BRAT1: variants seen among roughly 807,000 people sequenced by gnomAD.
BRAT1 encodes the protein integrator complex assembly factor BRAT1.
A neutral mutation model predicts 70.6 loss-of-function variants in BRAT1; 74 were observed. The ratio of observed to expected loss-of-function variants is 1.05; its 90% CI spans 0.87 to 1.27. The LOEUF (loss-of-function observed/expected upper bound fraction) is 1.27. Among genes scored for constraint, BRAT1 ranks in the 50% most tolerant of loss-of-function variants. BRAT1 has a pLI of 0.00. For synonymous variants in BRAT1, 615 were observed against 517.1 expected, an observed-to-expected ratio of 1.19 and a Z score of -2.57; for missense variants, 1,203 against 1,098.2, an observed-to-expected ratio of 1.10 and a Z score of -1.35.
chr7:2,543,767 G>A lies in BRAT1; in HGVS notation c.626C>T (p.Ala209Val), dbSNP rs112960104. The A allele has an allele frequency of 4.3e-5, 69 of 1,608,128 alleles. No individual in the cohort carries two copies. The highest frequency in any genetic ancestry group is 9.9e-5 in the South Asian group (9 of 90,804). ...MDHVEESLCS[A>V]ATPKVTQALN... ...GGCCTGAGTGACCTTGGGGGTGGCC[G>A]CGGAGCACAAGGACTCTTCAACGTG... Residue 209 changes from alanine (A) to valine (V), a missense_variant, in exon 5 of 14, where the codon GCG becomes GTG. Coordinates refer to ENST00000340611, the MANE Select transcript of BRAT1 (RefSeq NM_152743.4). This position sits in a 1 kb window ranked among gnomAD's most constrained non-coding sequence, Gnocchi z 5.5.
In BRAT1 at chr7:2,538,184, A is replaced by G. The variant is rs1360273346; in HGVS notation, c.2351T>C (p.Leu784Pro). 28 of 1,609,228 alleles carry G rather than the reference A, an allele frequency of 1.7e-5. No individual in the cohort carries two copies. The highest frequency in any genetic ancestry group is 2.4e-5 in the Non-Finnish European group (28 of 1,177,644). ...AMLRSLDLEG[L>P]RSTLAESSDH... ...GCTGCTCTCGGCCAGCGTGCTCCGC[A>G]GGCCCTCCAGGTCTAGGGACCTGAG... The change falls in exon 14 of 14, where the codon CTG (leucine) becomes CCG (proline). Residue 784 changes from leucine (L) to proline (P), a missense_variant. Leu to Pro is a moderately conservative substitution (Grantham distance 98, BLOSUM62 -3). Coordinates refer to ENST00000340611, the MANE Select transcript of BRAT1 (RefSeq NM_152743.4).
chr7:2,546,532 C>T (rs926210020), intron 3 of BRAT1, among the ~76,000 whole-genome samples: 8 of 152,074 alleles, frequency 5.3e-5, no homozygotes, highest in Admixed American at 1.3e-4. Context: ...TCAAGGAGTT[C>T]GTGATCAGCC....
At chr7:2,551,968 A>C (rs1379039479) in intron 2 of BRAT1, among the ~76,000 whole-genome samples, 1 of 148,880 alleles carries the variant, frequency 6.7e-6, no homozygotes, top group African/African-American at 2.5e-5. Context: ...GGTGAAAAAA[A>C]AATTATAATG....
intron 2 of BRAT1, among the ~76,000 whole-genome samples, chr7:2,550,174 G>GA (rs58187536): frequency 0.35 from 51,233 of 144,440 alleles, 9,343 homozygotes; most frequent in African/African-American, 0.42. Flanking sequence ...AAAAAAAAAA[G>GA]AAAAAAAAAA....
intron 2 of BRAT1, among the ~76,000 whole-genome samples, chr7:2,550,499 G>A (rs1015403430): frequency 0.019 from 1,064 of 55,954 alleles, no homozygotes; most frequent in Middle Eastern, 0.039. Context: ...AAAAAAGAAA[G>A]AAAAGAAAAA....
Position 2,538,268 on chromosome 7 carries a change from C to T in BRAT1, c.2267G>A (p.Arg756Gln), listed in dbSNP as rs35955968. ...TGGGGGCTGGGCCTGCTCACCCGCC[C>T]GCCACCTCGGCAGGGTGGCCTCTGC... ...ASAEATLPRW[R>Q]AGEQAQPPGD... The change falls in exon 14 of 14, where the codon CGG becomes CAG. Residue 756 changes from arginine to glutamine, a missense_variant. Arg to Gln is a conservative substitution (Grantham distance 43). Transcript: ENST00000340611. 27 of 1,611,078 alleles carry T rather than the reference C, an allele frequency of 1.7e-5. No individual in the cohort carries two copies. Among genetic ancestry groups the T allele is most frequent in the African/African-American group, 1.1e-4 (8 of 74,924 alleles).
chr7:2,548,808 A>G (rs1484865690), intron 2 of BRAT1, among the ~76,000 whole-genome samples: 1 of 152,112 alleles, frequency 6.6e-6, no homozygotes. Context: ...CTACTAAAAT[A>G]TAAAAAATTA....
Position 2,543,908 on chromosome 7 carries a change from G to A in BRAT1, c.485C>T (p.Ser162Leu), listed in dbSNP as rs907504548. The A allele has an allele frequency of 2.3e-5, 37 of 1,607,116 alleles. No individual in the cohort carries two copies. The highest frequency in any genetic ancestry group is 3.0e-5 in the Non-Finnish European group (35 of 1,175,758). Residue 162 changes from serine (S) to leucine (L), a missense_variant, in exon 5 of 14, where the codon TCG becomes TTG. By Grantham distance (145) the Ser-to-Leu change is moderately radical. Transcript: ENST00000340611. The surrounding 1 kb of genome is among the most constrained non-coding windows in gnomAD (Gnocchi z 5.5). ...GTGCACCAGGAGCTGACTGGCCGCC[G>A]AGGCCACAAACAGGCTGGAGTCTCC... is the stretch of plus-strand genomic sequence containing the variant. The part of the protein sequence containing the change: ...LQGDSSLFVA[S>L]AASQLLVHVL...
At chr7:2,547,809 C>T (rs963355634) in intron 2 of BRAT1, among the ~76,000 whole-genome samples, 4 of 152,234 alleles carry the variant, frequency 2.6e-5, no homozygotes, top group Admixed American at 6.5e-5. Flanking sequence ...CCAGGCTGGG[C>T]GTGGTGGCTC....
chr7:2,539,785 C>T lies in BRAT1; in HGVS notation c.1498+1G>A, dbSNP rs746362295. The T allele has an allele frequency of 1.9e-6, 3 of 1,610,508 alleles. No individual in the cohort carries two copies. The South Asian group carries it at 3.3e-5, about 18-fold the overall frequency. On this transcript the variant is annotated splice_donor_variant, in intron 11 of 13. Coordinates refer to ENST00000340611, the MANE Select transcript of BRAT1 (RefSeq NM_152743.4). LOFTEE classifies it high-confidence loss of function. ...TTCACCCCTGCAAGGGGCTGCGTTA[C>T]CTCTGAGGAACTGCGGGATGAGGGG...
At chr7:2,550,920 T>C (rs1447603466) in intron 2 of BRAT1, among the ~76,000 whole-genome samples, 1 of 152,108 alleles carries the variant, frequency 6.6e-6, no homozygotes, top group Non-Finnish European at 1.5e-5. Context: ...TGGTGCCACA[T>C]CTCACACATG....
chr7:2,538,925 C>T (rs1357337239), intron 13 of BRAT1, 161 bp from the exon 14 acceptor site: 2 of 1,457,008 alleles, frequency 1.4e-6, no homozygotes, highest in Non-Finnish European at 9.0e-7. Flanking sequence ...ACACGGCCCT[C>T]CAATCCTCAG....
At chr7:2,554,265 G>A in intron 2 of BRAT1, 40 bp downstream of exon 2, 1 of 1,607,414 alleles carries the variant, frequency 6.2e-7, no homozygotes, top group Admixed American at 1.7e-5. Flanking sequence ...TCTGCGTCTG[G>A]TCTCTGGATA....
At chr7:2,541,889 G>A (rs1163456436) in intron 7 of BRAT1, 53 bp from the exon 8 acceptor site, 10 of 1,574,774 alleles carry the variant, frequency 6.4e-6, no homozygotes, top group South Asian at 2.3e-5. Context: ...GCCTCCCCAC[G>A]GTCACCAGCC....
rs1036609708 is a variant in BRAT1 at position 2,539,292 on chromosome 7, G to A, written c.1657C>T (p.Leu553Phe). 6.2e-7 allele frequency: 1 copy of A among 1,612,030 alleles called. No individual in the cohort carries two copies. Among genetic ancestry groups the A allele is most frequent in the Non-Finnish European group, 8.5e-7 (1 of 1,179,880 alleles). ...ACATAACTCTCAGGGTCCTGGAGGA[G>A]CTGCAGGGCCAGCTGAGGCACCTCT... ...ASEVPQLALQ[L>F]LQDPESYVRA... The change falls in exon 13 of 14, where the codon CTC becomes TTC. Residue 553 changes from leucine (L) to phenylalanine (F), a missense_variant. Physicochemically the swap from Leu to Phe is conservative, Grantham distance 22. Coordinates refer to ENST00000340611, the MANE Select transcript of BRAT1 (RefSeq NM_152743.4).
chr7:2,551,547 G>T (rs953743812), intron 2 of BRAT1, among the ~76,000 whole-genome samples: 1 of 151,364 alleles, frequency 6.6e-6, no homozygotes, highest in African/African-American at 2.4e-5. Context: ...AAAAATAGCT[G>T]GGCCTGGTAC....
intron 2 of BRAT1, among the ~76,000 whole-genome samples, chr7:2,551,708 T>C (rs1398134667): frequency 6.7e-6 from 1 of 148,970 alleles, no homozygotes; most frequent in African/African-American, 2.5e-5. Context: ...AAAGAAAAAC[T>C]GACTACTACA....
At position 2,538,002 on chromosome 7, in the gene BRAT1, T is replaced by C. The variant is rs895676842; in HGVS notation, c.*67A>G. Reference sequence around the variant, plus strand: ...TGGGCTGGAGCCCTGGGGCTGGCAGTGTCCCACAGAAGGACATGGTGCTGC... The same window carrying C: ...TGGGCTGGAGCCCTGGGGCTGGCAGCGTCCCACAGAAGGACATGGTGCTGC... On this transcript the variant is annotated 3_prime_UTR_variant, in exon 14 of 14. Transcript: ENST00000340611. The C allele has an allele frequency of 1.4e-6, 2 of 1,465,632 alleles. No homozygotes were observed. Among genetic ancestry groups the C allele is most frequent in the Non-Finnish European group, 9.0e-7 (1 of 1,110,604 alleles). 90.8% of individuals were successfully genotyped at this position (1,465,632 alleles called of 1,614,324 possible). A position where few individuals can be genotyped will look rare whatever the true frequency, so the allele number is the denominator to read the frequency against.
At position 2,543,549 on chromosome 7, in the gene BRAT1, T is replaced by G. The variant is rs200306790; in HGVS notation, c.803+41A>C. On this transcript the variant is annotated intron_variant, in intron 5 of 13. Transcript: ENST00000340611. This position sits in a 1 kb window ranked among gnomAD's most constrained non-coding sequence, Gnocchi z 5.5. ...CCTGGGCGTTATCCGAGGAAAACAG[T>G]TGCCCACCCAGGCCCCCCAGCTGCG... is the stretch of plus-strand genomic sequence containing the variant. 3.3e-6 allele frequency: 5 copies of G among 1,498,850 alleles called. No individual in the cohort carries two copies. The highest frequency in any genetic ancestry group is 4.4e-6 in the Non-Finnish European group (5 of 1,124,326). The allele number at this position is 1,498,850 out of a possible 1,614,324, so 92.8% of individuals were successfully genotyped here.
Sources: allele counts gnomAD v4.1 joint callset (sites outside exome capture counted in the v4.1 genomes callset), GRCh38; gene constraint gnomAD v4.1.1; non-coding constraint Gnocchi (gnomAD v3.1); transcripts MANE v1.5; gene names NCBI Gene and HGNC (gene_info 2026-07-23, HGNC 2026-07-21).